TLN2: variants seen among roughly 807,000 people sequenced by gnomAD.
TLN2 encodes the protein talin-2.
TLN2 carries 118 observed loss-of-function variants against 294.7 expected under a neutral mutation model. The observed-to-expected ratio is 0.40, with a 90% confidence interval of 0.34 to 0.47. TLN2 has a LOEUF of 0.47. TLN2 is among the 20% of genes least tolerant of loss of function. The pLI, the probability that TLN2 is intolerant of heterozygous loss-of-function variation, is 0.84. For synonymous variants in TLN2, 1,431 were observed against 1,304.5 expected, an observed-to-expected ratio of 1.10 and a Z score of -2.09; for missense variants, 3,083 against 3,282.2, an observed-to-expected ratio of 0.94 and a Z score of 1.48.
chr15:62,521,338 A>C lies in TLN2; in HGVS notation c.-237-68349A>C, dbSNP rs140734122. On this transcript the variant is annotated intron_variant, in intron 1 of 58. Coordinates refer to ENST00000636159, the MANE Select transcript of TLN2 (RefSeq NM_015059.3). ...CCTGGAATAGGGTTAGGGTGTTGTTAACCAAAAAACCTAACTCTGTAAAAT... is the reference window on the plus strand; with the variant it reads ...CCTGGAATAGGGTTAGGGTGTTGTTCACCAAAAAACCTAACTCTGTAAAAT... Among the ~76,000 whole-genome samples, 974 of 152,256 alleles carry C rather than the reference A, an allele frequency of 6.4e-3. 11 individuals carry two copies. The highest frequency in any genetic ancestry group is 0.022 in the African/African-American group (921 of 41,540).
Position 62,651,825 on chromosome 15 carries a change from A to G in TLN2, c.235-180A>G, listed in dbSNP as rs116230402. Among the ~76,000 whole-genome samples, 1,323 of 152,304 alleles carry G rather than the reference A, an allele frequency of 8.7e-3. 18 individuals are homozygous for G. Among genetic ancestry groups the G allele is most frequent in the African/African-American group, 0.031 (1,284 of 41,572 alleles). The stretch of plus-strand genomic sequence containing the variant: ...TAAGTCCAGGTCTGTACTATCTCTA[A>G]AAGACGTAGTGGCAACAATCCCCTG... On this transcript the variant is annotated intron_variant, in intron 5 of 58. Transcript: ENST00000636159.
rs11633796 is a variant in TLN2 at position 62,800,723 on chromosome 15, C to G, written c.6431C>G (p.Thr2144Ser). 2 of 1,613,712 alleles carry G rather than the reference C, an allele frequency of 1.2e-6. No individual in the cohort carries two copies. The highest frequency in any genetic ancestry group is 2.7e-5 in the African/African-American group (2 of 74,906). Residue 2144 changes from threonine (T) to serine (S), a missense_variant, in exon 50 of 59, where the codon ACC becomes AGC. By Grantham distance (58) the Thr-to-Ser change is moderately conservative (BLOSUM62 1). Coordinates refer to ENST00000636159, the MANE Select transcript of TLN2 (RefSeq NM_015059.3). ...KAVEDEATRG[T>S]RALEATIECI... is the part of the protein sequence containing the mutation. ...GTGGAGGATGAGGCCACCCGGGGCA[C>G]CAGGGCGCTTGAGGCCACAATTGAA...
intron 1 of TLN2, among the ~76,000 whole-genome samples, chr15:62,497,610 A>G (rs2039076507): frequency 6.6e-6 from 1 of 152,192 alleles, no homozygotes. Context: ...AGTTGTGGCC[A>G]CCCAGCAGTG....
intron 1 of TLN2, among the ~76,000 whole-genome samples, chr15:62,456,575 G>A (rs565692660): frequency 6.6e-6 from 1 of 152,236 alleles, no homozygotes; most frequent in South Asian, 2.1e-4. Flanking sequence ...AGTATTTATA[G>A]CATTCCCAAG....
intron 1 of TLN2, among the ~76,000 whole-genome samples, chr15:62,522,966 ACACACACACACACT>A (rs1206008061): frequency 4.6e-4 from 64 of 139,886 alleles, no homozygotes; most frequent in African/African-American, 1.6e-3. Context: ...ACACACACAC[ACACACACACACACT>A]CTCTCACTCA....
At chr15:62,678,934 A>T (rs1271921358) in intron 11 of TLN2, among the ~76,000 whole-genome samples, 1 of 152,244 alleles carries the variant, frequency 6.6e-6, no homozygotes, top group Non-Finnish European at 1.5e-5. Flanking sequence ...GAAATACAGT[A>T]AAATGAGGGG....
At chr15:62,597,701 AT>A (rs553425916) in intron 2 of TLN2, among the ~76,000 whole-genome samples, 21 of 150,948 alleles carry the variant, frequency 1.4e-4, no homozygotes, top group African/African-American at 2.4e-4. Flanking sequence ...TTCAGATTTC[AT>A]TTTTTTTTCC....
chr15:62,750,990 T>G (rs1447265518), intron 34 of TLN2, among the ~76,000 whole-genome samples: 1 of 152,156 alleles, frequency 6.6e-6, no homozygotes, highest in Non-Finnish European at 1.5e-5. Context: ...TGTTTTGTTT[T>G]GTTTTGGTAG....
At chr15:62,517,151 C>G (rs1412177718) in intron 1 of TLN2, among the ~76,000 whole-genome samples, 9 of 152,194 alleles carry the variant, frequency 5.9e-5, no homozygotes, top group Non-Finnish European at 1.2e-4. Context: ...TCAGAGATTA[C>G]CAAACCTTCG....
chr15:62,694,664 TCTG>T (rs561334708), intron 14 of TLN2, among the ~76,000 whole-genome samples: 125 of 152,324 alleles, frequency 8.2e-4, no homozygotes, highest in Middle Eastern at 3.4e-3. Flanking sequence ...TGAGTCCTGT[TCTG>T]CATTTCTGAT....
chr15:62,721,883 A>G (rs1351529703), intron 25 of TLN2, among the ~76,000 whole-genome samples: 2 of 152,216 alleles, frequency 1.3e-5, no homozygotes, highest in East Asian at 3.8e-4. Flanking sequence ...TTTTTGAAAA[A>G]TATGTACATG....
chr15:62,687,710 A>G (rs1206221433), intron 12 of TLN2: 1 of 152,206 alleles, frequency 6.6e-6, no homozygotes, highest in South Asian at 2.1e-4. Flanking sequence ...ATAGGACATC[A>G]GAAAAAAAAC....
chr15:62,466,606 T>C (rs1426994882), intron 1 of TLN2, among the ~76,000 whole-genome samples: 2 of 152,240 alleles, frequency 1.3e-5, no homozygotes, highest in Non-Finnish European at 2.9e-5. Flanking sequence ...TAAACACAGC[T>C]TTTATATTAG....
chr15:62,657,192 GGGA>G (rs2053319583), intron 8 of TLN2, among the ~76,000 whole-genome samples: 1 of 151,808 alleles, frequency 6.6e-6, no homozygotes, highest in African/African-American at 2.4e-5. Context: ...TGGAGAAACT[GGGA>G]GGAGGAGGAG....
intron 12 of TLN2, among the ~76,000 whole-genome samples, chr15:62,687,288 GT>G (rs781226745): frequency 1.1e-4 from 17 of 152,182 alleles, no homozygotes; most frequent in Non-Finnish European, 2.4e-4. Context: ...TAGAAATCCA[GT>G]TTGTCATTTC....
intron 28 of TLN2, among the ~76,000 whole-genome samples, chr15:62,730,749 C>T (rs2060679174): frequency 2.6e-5 from 4 of 152,014 alleles, no homozygotes; most frequent in Admixed American, 2.6e-4. Context: ...CCTTTCCTTG[C>T]TTTTTGAGTT....
At position 62,777,576 on chromosome 15, in the gene TLN2, C is replaced by T. The variant is rs117170966; in HGVS notation, c.5514+666C>T. On this transcript the variant is annotated intron_variant, in intron 43 of 58. Transcript: ENST00000636159. ...TCCCAAGTGCTAGTTTTTGGAATGG[C>T]TATTTTGGAATCATGTGGAGCTTTA... Among the ~76,000 whole-genome samples the T allele has an allele frequency of 1.3e-4, 19 of 151,096 alleles. No homozygotes were observed. The East Asian group carries it at 3.7e-3, about 29-fold the overall frequency.
chr15:62,454,304 GGGCACTTCGGGACCCCAAGAATA>G (rs371339041), intron 1 of TLN2, among the ~76,000 whole-genome samples: 30 of 152,134 alleles, frequency 2.0e-4, no homozygotes, highest in African/African-American at 6.5e-4. Flanking sequence ...AGAGGTGAGG[GGGCACTTCGGGACCCCAAGAATA>G]GGCTTCAACT....
intron 9 of TLN2, among the ~76,000 whole-genome samples, chr15:62,663,082 T>C (rs2054085958): frequency 6.6e-6 from 1 of 152,104 alleles, no homozygotes; most frequent in East Asian, 1.9e-4. Context: ...CCCAAAGTGC[T>C]GGGATTACAG....
Sources: gnomAD v4.1 joint callset for allele counts (sites outside exome capture counted in the v4.1 genomes callset) on GRCh38, gnomAD v4.1.1 for gene constraint, MANE v1.5 for transcripts, NCBI Gene and HGNC (gene_info 2026-07-23, HGNC 2026-07-21) for gene names.